DMAC2: variants seen among roughly 807,000 people sequenced by gnomAD.
The protein encoded by DMAC2 is distal membrane arm assembly component 2.
In DMAC2, 32 loss-of-function variants were observed where a neutral mutation model predicts 29.6. The ratio of observed to expected loss-of-function variants is 1.08; its 90% CI spans 0.81 to 1.45. DMAC2 has a LOEUF of 1.45. Among genes scored for constraint, DMAC2 ranks in the 40% most tolerant of loss-of-function variants. The pLI is 0.00. For synonymous variants in DMAC2, 133 were observed against 137.4 expected, an observed-to-expected ratio of 0.97 and a Z score of 0.23; for missense variants, 319 against 340.0, an observed-to-expected ratio of 0.94 and a Z score of 0.49.
At chr19:41,439,576 T>G in intron 1 of DMAC2, 7 of 1,526,358 alleles carry the variant, frequency 4.6e-6, no homozygotes, top group Non-Finnish European at 5.3e-6. Flanking sequence ...ATTAGCTCCT[T>G]GTGTCATCCC....
Position 41,436,301 on chromosome 19 carries a change from G to A in DMAC2, c.296+91C>T. ...AGCCAGGAGGCGGCAGAGACCAGGG[G>A]ACTCTGAAGCCTGTGTGACTGCAGA... On this transcript the variant is annotated intron_variant, in intron 3 of 5. Coordinates refer to ENST00000221943, the MANE Select transcript of DMAC2 (RefSeq NM_018035.3). 4.5e-6 allele frequency: 5 copies of A among 1,112,324 alleles called. No individual in the cohort carries two copies. In the Admixed American group the frequency reaches 9.3e-5, roughly 21 times the overall value. The allele number at this position is 1,112,324 out of a possible 1,614,324, so 68.9% of individuals were successfully genotyped here. A position where few individuals can be genotyped will look rare whatever the true frequency, so the allele number is the denominator to read the frequency against.
intron 3 of DMAC2, among the ~76,000 whole-genome samples, chr19:41,434,707 T>C (rs1555770712): frequency 6.6e-6 from 1 of 151,764 alleles, no homozygotes. Flanking sequence ...AGAAAAACAT[T>C]ATTGAGCACA....
At chr19:41,435,976 T>C (rs2039841298) in intron 3 of DMAC2, among the ~76,000 whole-genome samples, 1 of 151,388 alleles carries the variant, frequency 6.6e-6, no homozygotes, top group Non-Finnish European at 1.5e-5. Flanking sequence ...CCCGGGTTCA[T>C]GCGATTCTCC....
At position 41,432,001 on chromosome 19, in the gene DMAC2, T is replaced by C. The variant is rs1384040700; in HGVS notation, c.*230A>G. On this transcript the variant is annotated 3_prime_UTR_variant, in exon 6 of 6. Coordinates refer to ENST00000221943, the MANE Select transcript of DMAC2 (RefSeq NM_018035.3). ...GCCTGAGCCTTTACCTCCCCAGGCC[T>C]GAACAGGGGCATGGAAAGGGCTGCC... The C allele has an allele frequency of 6.8e-6, 4 of 586,040 alleles. No individual in the cohort carries two copies. Among genetic ancestry groups the C allele is most frequent in the Non-Finnish European group, 1.2e-5 (4 of 330,046 alleles). The allele number at this position is 586,040 out of a possible 1,614,324, so 36.3% of individuals were successfully genotyped here.
At chr19:41,433,211 G>A (rs915920821) in intron 5 of DMAC2, 61 bp downstream of exon 5, 4 of 1,509,774 alleles carry the variant, frequency 2.6e-6, no homozygotes, top group African/African-American at 1.4e-5. Flanking sequence ...TTCCTCTCCT[G>A]CATCTGGGTT....
chr19:41,433,044 C>A, intron 5 of DMAC2: 2 of 552,414 alleles, frequency 3.6e-6, no homozygotes, highest in South Asian at 5.5e-5. Flanking sequence ...GCAACAGCGT[C>A]GATATCACAC....
intron 5 of DMAC2, chr19:41,432,777 AGCGTGC>A (rs1398993137): frequency 0.046 from 13,142 of 288,154 alleles, 110 homozygotes; most frequent in East Asian, 0.1. Flanking sequence ...GGTACAGGAC[AGCGTGC>A]GTGTGTGTGT....
chr19:41,438,397 G>T lies in DMAC2; in HGVS notation c.36C>A (p.Ala12=), dbSNP rs923495759. The stretch of plus-strand genomic sequence containing the variant: ...CCCTGATACGCCCATTCCACATGGG[G>T]GCGACCAGGCGCAGGGACTGGGGAG... ...AAPWASLRLV[A]PMWNGRIRGI... is the part of the protein sequence containing the mutation. Residue 12 remains alanine (A), a synonymous_variant, in exon 2 of 6, where the codon GCC becomes GCA. Transcript: ENST00000221943. 1 of 1,613,750 alleles carries T rather than the reference G, an allele frequency of 6.2e-7. No homozygotes were observed. The highest frequency in any genetic ancestry group is 1.7e-5 in the Admixed American group (1 of 59,976).
chr19:41,436,819 TG>T (rs1327794426), intron 2 of DMAC2, among the ~76,000 whole-genome samples: 3 of 149,978 alleles, frequency 2.0e-5, no homozygotes, highest in Non-Finnish European at 4.4e-5. Context: ...AGCAGAGGAG[TG>T]GGGATGGTGG....
chr19:41,435,097 G>A (rs1269903576), intron 3 of DMAC2, among the ~76,000 whole-genome samples: 1 of 152,066 alleles, frequency 6.6e-6, no homozygotes, highest in East Asian at 1.9e-4. Context: ...CCCTGACAGG[G>A]TCCCACTGGG....
At position 41,438,218 on chromosome 19, in the gene DMAC2, C is replaced by A; in HGVS notation, c.215G>T (p.Arg72Leu). The change falls in exon 2 of 6, where the codon CGA becomes CTA. Residue 72 changes from arginine (R) to leucine (L), a missense_variant and splice_region_variant. By Grantham distance (102) the Arg-to-Leu change is moderately radical (BLOSUM62 -2). Coordinates refer to ENST00000221943, the MANE Select transcript of DMAC2 (RefSeq NM_018035.3). Reference sequence around the variant, plus strand: ...GGTCTTGCAGACCAGGGATTCTCACCGATTTTTCTCATGCACCTTGTACAT... The same window carrying A: ...GGTCTTGCAGACCAGGGATTCTCACAGATTTTTCTCATGCACCTTGTACAT... The part of the protein sequence containing the change: ...REMYKVHEKN[R>L]SYTWLEKQHG... The A allele has an allele frequency of 6.2e-7, 1 of 1,612,916 alleles. No individual in the cohort carries two copies. The highest frequency in any genetic ancestry group is 1.1e-5 in the South Asian group (1 of 90,916).
Position 41,438,399 on chromosome 19 carries a change from C to A in DMAC2, c.34G>T (p.Ala12Ser). Residue 12 changes from alanine to serine, a missense_variant, in exon 2 of 6, where the codon GCC becomes TCC. Physicochemically the swap from Ala to Ser is moderately conservative, Grantham distance 99. Transcript: ENST00000221943. The stretch of plus-strand genomic sequence containing the variant: ...CTGATACGCCCATTCCACATGGGGG[C>A]GACCAGGCGCAGGGACTGGGGAGGG... ...AAPWASLRLV[A>S]PMWNGRIRGI... 6.2e-7 allele frequency: 1 copy of A among 1,613,554 alleles called. No homozygotes were observed. The highest frequency in any genetic ancestry group is 8.5e-7 in the Non-Finnish European group (1 of 1,179,762).
chr19:41,432,806 GTGTGTGTGTGTA>G, intron 5 of DMAC2: 1 of 526,688 alleles, frequency 1.9e-6, no homozygotes, highest in Non-Finnish European at 3.4e-6. Flanking sequence ...GTGTGTGTGT[GTGTGTGTGTGTA>G]GGGAGGTACT....
At position 41,439,859 on chromosome 19, in the gene DMAC2, CTCTAGGAACTCCGG is replaced by C. The variant is rs782122092; in HGVS notation, c.18+9_18+22del. On this transcript the variant is annotated intron_variant, in intron 1 of 5. Coordinates refer to ENST00000221943, the MANE Select transcript of DMAC2 (RefSeq NM_018035.3). ...TGTAGAGCGGACTTCAAATTTGGGGCTCTAGGAACTCCGGTCACTTACCGCCCAGGGAGCCGCCA... is the reference window on the plus strand; with the variant it reads ...TGTAGAGCGGACTTCAAATTTGGGGCTCACTTACCGCCCAGGGAGCCGCCA... 1 of 1,614,162 alleles carries C rather than the reference CTCTAGGAACTCCGG, an allele frequency of 6.2e-7. No individual in the cohort carries two copies. Among genetic ancestry groups the C allele is most frequent in the Non-Finnish European group, 8.5e-7 (1 of 1,180,028 alleles).
In DMAC2 at chr19:41,433,590, T is replaced by G. The variant is rs2039697281; in HGVS notation, c.380A>C (p.Glu127Ala). The change falls in exon 4 of 6, where the codon GAA (glutamate) becomes GCA (alanine). Residue 127 changes from glutamate to alanine, a missense_variant. Transcript: ENST00000221943. ...EFWNFCEVPV[E>A]AVDAGDCDIN... Reference sequence around the variant, plus strand: ...GTCACAGTCACCGGCATCCACAGCTTCGACAGGCACTTCACAGAAATTCCA... The same window carrying G: ...GTCACAGTCACCGGCATCCACAGCTGCGACAGGCACTTCACAGAAATTCCA... 1.9e-6 allele frequency: 3 copies of G among 1,613,996 alleles called. No homozygotes were observed. Among genetic ancestry groups the G allele is most frequent in the African/African-American group, 1.3e-5 (1 of 74,902 alleles).
At chr19:41,435,563 C>T (rs920158909) in intron 3 of DMAC2, among the ~76,000 whole-genome samples, 23 of 151,912 alleles carry the variant, frequency 1.5e-4, no homozygotes, top group African/African-American at 5.6e-4. Context: ...AGCCACCGCG[C>T]CCGGCCTATT....
Position 41,439,254 on chromosome 19 carries a change from A to G in DMAC2, c.18+628T>C. ...CAAATTATCTCGATAATTTTACCCA[A>G]ACCCTTATTTTCCTCAAAAGTTTAA... On this transcript the variant is annotated intron_variant, in intron 1 of 5. Transcript: ENST00000221943. 4 of 475,156 alleles carry G rather than the reference A, an allele frequency of 8.4e-6. No individual in the cohort carries two copies. The South Asian group carries it at 1.0e-4, about 12-fold the overall frequency. The allele number at this position is 475,156 out of a possible 1,614,324, so 29.4% of individuals were successfully genotyped here.
intron 5 of DMAC2, chr19:41,432,625 TGTGTGTGTGTAGGGAGGTACAGGACAGC>T: frequency 3.7e-6 from 2 of 535,690 alleles, no homozygotes; most frequent in East Asian, 3.6e-5. Context: ...AGCATGTGTG[TGTGTGTGTGTAGGGAGGTACAGGACAGC>T]GTGTGTGTGT....
chr19:41,438,426 G>C lies in DMAC2; in HGVS notation c.19-12C>G, dbSNP rs782740205. On this transcript the variant is annotated splice_polypyrimidine_tract_variant and intron_variant, in intron 1 of 5. Transcript: ENST00000221943. ...ACCAGGCGCAGGGACTGGGGAGGGGGAGAGGAAAGGAGCTGAGCCTGGAGC... is the reference window on the plus strand; with the variant it reads ...ACCAGGCGCAGGGACTGGGGAGGGGCAGAGGAAAGGAGCTGAGCCTGGAGC... The C allele has an allele frequency of 6.2e-7, 1 of 1,605,500 alleles. No individual in the cohort carries two copies. The highest frequency in any genetic ancestry group is 8.5e-7 in the Non-Finnish European group (1 of 1,175,738).
Sources: gnomAD v4.1 joint callset for allele counts (sites outside exome capture counted in the v4.1 genomes callset) on GRCh38, gnomAD v4.1.1 for gene constraint, MANE v1.5 for transcripts, NCBI Gene and HGNC (gene_info 2026-07-23, HGNC 2026-07-21) for gene names.